Variants in CAMTA1 observed in about 807,000 individuals in gnomAD.
The protein encoded by CAMTA1 is calmodulin-binding transcription activator 1.
Under a neutral mutation model 170.9 loss-of-function variants are expected in CAMTA1, and 27 were observed. The observed-to-expected ratio is 0.16, with a 90% CI of 0.12 to 0.22. The LOEUF (loss-of-function observed/expected upper bound fraction) is 0.22, where lower values mean the gene tolerates loss of function less well. Ranked by LOEUF, CAMTA1 falls within the 10% of genes least tolerant of loss-of-function variation. CAMTA1 has a pLI of 1.00. For synonymous variants in CAMTA1, 833 were observed against 891.5 expected (o/e 0.93, Z 1.17); for missense variants, 1,619 against 2,217.2 (o/e 0.73, Z 5.42).
In CAMTA1 at chr1:6,977,422, C is replaced by A. The variant is rs542709161; in HGVS notation, c.235-113882C>A. On this transcript the variant is annotated intron_variant, in intron 3 of 22. Transcript: ENST00000303635. ...GTGGCGCAGTCTCGGCTCACTGCAA[C>A]CTCCACCTCCCAGGTTCAAGAAATT... Among the ~76,000 whole-genome samples the A allele has an allele frequency of 1.6e-4, 25 of 152,086 alleles. No homozygotes were observed. The East Asian group carries it at 4.8e-3, about 29-fold the overall frequency.
chr1:7,017,151 A>C (rs1008262367), intron 3 of CAMTA1, among the ~76,000 whole-genome samples: 2 of 152,214 alleles, frequency 1.3e-5, no homozygotes, highest in Non-Finnish European at 2.9e-5. Flanking sequence ...TTCATTTCTC[A>C]GGACCTCCTG....
Position 7,130,246 on chromosome 1 carries a change from C to T in CAMTA1, c.302+38875C>T, listed in dbSNP as rs563044146. Among the ~76,000 whole-genome samples the T allele has an allele frequency of 1.4e-3, 207 of 152,160 alleles. 1 individual carries two copies. The highest frequency in any genetic ancestry group is 2.8e-4 in the Non-Finnish European group (19 of 68,006). On this transcript the variant is annotated intron_variant, in intron 4 of 22. Transcript: ENST00000303635. ...GAGGCACCATGCCCAGTCAAATCTA[C>T]CTTCTTATAATCAGCATAGTTATTT...
intron 3 of CAMTA1, among the ~76,000 whole-genome samples, chr1:7,035,523 C>T (rs1572592141): frequency 6.6e-6 from 1 of 152,140 alleles, no homozygotes. Context: ...ATGTGATTAC[C>T]AGTACAGTTG....
intron 5 of CAMTA1, among the ~76,000 whole-genome samples, chr1:7,319,946 G>A (rs990476107): frequency 1.4e-4 from 22 of 151,928 alleles, no homozygotes; most frequent in African/African-American, 5.3e-4. Flanking sequence ...TGTGTGTGTG[G>A]GCCTTGTACC....
chr1:7,619,166 C>T (rs1253273238), intron 6 of CAMTA1, among the ~76,000 whole-genome samples: 2 of 152,210 alleles, frequency 1.3e-5, no homozygotes, highest in Non-Finnish European at 2.9e-5. Context: ...AACTTCTCTC[C>T]ACCTGCCATC....
chr1:7,213,211 T>C (rs1659099480), intron 4 of CAMTA1, among the ~76,000 whole-genome samples: 1 of 152,238 alleles, frequency 6.6e-6, no homozygotes, highest in Non-Finnish European at 1.5e-5. Context: ...GTAGCCGTGC[T>C]TTATTTTCCC....
chr1:7,692,902 CAATT>C (rs1484871185), intron 11 of CAMTA1, among the ~76,000 whole-genome samples: 1 of 152,216 alleles, frequency 6.6e-6, no homozygotes, highest in Admixed American at 6.5e-5. Flanking sequence ...CGGAACAACA[CAATT>C]AATGTGAGGA....
chr1:7,333,656 A>T lies in CAMTA1; in HGVS notation c.438+84030A>T, dbSNP rs1203369427. Among the ~76,000 whole-genome samples, 1 of 152,206 alleles carries T rather than the reference A, an allele frequency of 6.6e-6. No homozygotes were observed. The highest frequency in any genetic ancestry group is 6.5e-5 in the Admixed American group (1 of 15,274). On this transcript the variant is annotated intron_variant, in intron 5 of 22. Transcript: ENST00000303635. The surrounding 1 kb of genome is among the most constrained non-coding windows in gnomAD (Gnocchi z 4.4). Reference sequence around the variant, plus strand: ...CAGCTTCTAGGGAGGCTGGGGTTACAGCCTCCGCCATGTTGCAGATTCTCC... The same window carrying T: ...CAGCTTCTAGGGAGGCTGGGGTTACTGCCTCCGCCATGTTGCAGATTCTCC...
chr1:7,750,385 A>G (rs2096888151), intron 19 of CAMTA1, among the ~76,000 whole-genome samples: 1 of 152,240 alleles, frequency 6.6e-6, no homozygotes, highest in African/African-American at 2.4e-5. Flanking sequence ...TCTTATAAGC[A>G]AAGGGCTTCA....
chr1:7,436,686 G>A (rs1194868334), intron 5 of CAMTA1, among the ~76,000 whole-genome samples: 1 of 152,168 alleles, frequency 6.6e-6, no homozygotes, highest in Non-Finnish European at 1.5e-5. Context: ...TCCCGGGCCT[G>A]TGGCATCTGA....
chr1:6,951,765 C>A (rs1688531079), intron 3 of CAMTA1, among the ~76,000 whole-genome samples: 1 of 152,198 alleles, frequency 6.6e-6, no homozygotes, highest in Non-Finnish European at 1.5e-5. Context: ...GAGCCTGTCC[C>A]CTTTCCTGCT....
At chr1:7,002,183 C>T (rs1287013968) in intron 3 of CAMTA1, among the ~76,000 whole-genome samples, 7 of 152,158 alleles carry the variant, frequency 4.6e-5, no homozygotes, top group Admixed American at 4.6e-4. Context: ...GTGTTAGCCA[C>T]CGCACCCGGA....
intron 4 of CAMTA1, among the ~76,000 whole-genome samples, chr1:7,223,016 C>G (rs1387082719): frequency 6.6e-6 from 1 of 152,250 alleles, no homozygotes; most frequent in East Asian, 1.9e-4. Flanking sequence ...AGATCTCAAA[C>G]CTTTTTTTCT....
intron 4 of CAMTA1, among the ~76,000 whole-genome samples, chr1:7,171,632 A>C (rs1649624345): frequency 6.6e-6 from 1 of 152,170 alleles, no homozygotes; most frequent in East Asian, 1.9e-4. Context: ...ATAACATAAA[A>C]TTACCCATTT....
chr1:7,750,919 G>A lies in CAMTA1; in HGVS notation c.4690-280G>A, dbSNP rs551734007. The A allele has an allele frequency of 2.5e-4, 146 of 574,326 alleles. 1 individual carries two copies. Among genetic ancestry groups the A allele is most frequent in the African/African-American group, 2.3e-3 (125 of 53,746 alleles). 35.6% of individuals were successfully genotyped at this position (574,326 alleles called of 1,614,324 possible). A position where few individuals can be genotyped will look rare whatever the true frequency, so the allele number is the denominator to read the frequency against. On this transcript the variant is annotated intron_variant, in intron 19 of 22. Transcript: ENST00000303635. Reference sequence around the variant, plus strand: ...TTTTTAGATTCATAAACGTCTAAGGGTATTGCTATTAAAATTTTTCTCCAA... The same window carrying A: ...TTTTTAGATTCATAAACGTCTAAGGATATTGCTATTAAAATTTTTCTCCAA...
At chr1:7,020,675 G>T (rs1269804207) in intron 3 of CAMTA1, among the ~76,000 whole-genome samples, 3 of 152,164 alleles carry the variant, frequency 2.0e-5, no homozygotes, top group Admixed American at 6.5e-5. Context: ...ATTCAGTGCT[G>T]GGGGCAGAGG....
In CAMTA1 at chr1:6,881,979, GTAAAA is replaced by G. The variant is rs941028781; in HGVS notation, c.234+56783_234+56787del. On this transcript the variant is annotated intron_variant, in intron 3 of 22. Coordinates refer to ENST00000303635, the MANE Select transcript of CAMTA1 (RefSeq NM_015215.4). ...GAGACTCTGTCTCAAAAAAATAAAA[GTAAAA>G]TAAAATAAAATAATCACTCTGAATG... 1.8e-4 allele frequency among the ~76,000 whole-genome samples: 27 copies of G among 152,138 alleles called. 1 individual carries two copies. In the South Asian group the frequency reaches 3.7e-3, roughly 21 times the overall value.
chr1:7,324,290 T>C (rs1260290326), intron 5 of CAMTA1, among the ~76,000 whole-genome samples: 1 of 152,218 alleles, frequency 6.6e-6, no homozygotes, highest in East Asian at 1.9e-4. Context: ...ATCTGCTTTC[T>C]TTTGCTTAGT....
chr1:7,200,861 C>T (rs1656549114), intron 4 of CAMTA1, among the ~76,000 whole-genome samples: 1 of 152,174 alleles, frequency 6.6e-6, no homozygotes, highest in Non-Finnish European at 1.5e-5. Context: ...TCTTGTTTCT[C>T]ATCAGGCTTA....
Sources: allele counts gnomAD v4.1 joint callset (sites outside exome capture counted in the v4.1 genomes callset), GRCh38; gene constraint gnomAD v4.1.1; non-coding constraint Gnocchi (gnomAD v3.1); transcripts MANE v1.5; gene names NCBI Gene and HGNC (gene_info 2026-07-23, HGNC 2026-07-21).